The following ZNF704 variants were observed in gnomAD, a reference collection of about 807,000 sequenced individuals.
ZNF704 encodes zinc finger protein 704.
Under a neutral mutation model 44.7 loss-of-function variants are expected in ZNF704, and 10 were observed. That is an observed-to-expected ratio of 0.22 (90% CI 0.14 to 0.38). The LOEUF is 0.38. Ranked by LOEUF, ZNF704 falls within the 10% of genes least tolerant of loss-of-function variation. The probability of loss-of-function intolerance (pLI) is 1.00; values close to 1 mark genes in which losing one functional copy is unlikely to be tolerated. For missense variants in ZNF704, 390 were observed against 545.5 expected (o/e 0.71, Z 2.84); for synonymous variants, 211 against 207.6 (o/e 1.02, Z -0.14).
chr8:80,628,652 T>C lies in ZNF704; in HGVS notation c.*12714A>G, dbSNP rs1213269708. Reference sequence around the variant, plus strand: ...CCACAAAGTAAGTACAGGTCAACAATGATATCAGACTAGATTGGCAACACC... The same window carrying C: ...CCACAAAGTAAGTACAGGTCAACAACGATATCAGACTAGATTGGCAACACC... On this transcript the variant is annotated 3_prime_UTR_variant, in exon 9 of 9. Transcript: ENST00000327835. The C allele has an allele frequency of 6.6e-6, 1 of 152,180 alleles. No homozygotes were observed. Among genetic ancestry groups the C allele is most frequent in the Admixed American group, 6.5e-5 (1 of 15,286 alleles). 9.4% of individuals were successfully genotyped at this position (152,180 alleles called of 1,614,324 possible). A position where few individuals can be genotyped will look rare whatever the true frequency, so the allele number is the denominator to read the frequency against.
chr8:80,731,705 T>TG (rs1406448925), intron 2 of ZNF704, among the ~76,000 whole-genome samples: 1 of 152,126 alleles, frequency 6.6e-6, no homozygotes, highest in African/African-American at 2.4e-5. Context: ...AAGGCTGTGG[T>TG]GAGCTATAAT....
intron 4 of ZNF704, among the ~76,000 whole-genome samples, chr8:80,671,980 C>T (rs181755044): frequency 2.0e-5 from 3 of 152,236 alleles, no homozygotes; most frequent in Admixed American, 2.0e-4. Flanking sequence ...CCTACGAATC[C>T]TTCTCAGAAT....
At chr8:80,728,957 ATTC>A (rs1201507952) in intron 2 of ZNF704, among the ~76,000 whole-genome samples, 1 of 152,182 alleles carries the variant, frequency 6.6e-6, no homozygotes, top group East Asian at 1.9e-4. Context: ...GAGTTGATTC[ATTC>A]TTTTTTTCTT....
At chr8:80,764,136 C>T (rs1185044015) in intron 2 of ZNF704, among the ~76,000 whole-genome samples, 46 of 152,194 alleles carry the variant, frequency 3.0e-4, no homozygotes, top group Admixed American at 3.0e-3. Flanking sequence ...TCCAAAGTTG[C>T]TTCTACATTT....
chr8:80,787,003 C>G (rs1807626120), intron 2 of ZNF704, among the ~76,000 whole-genome samples: 1 of 152,178 alleles, frequency 6.6e-6, no homozygotes, highest in South Asian at 2.1e-4. Flanking sequence ...TACTAAAGCA[C>G]AGAAGAGGCT....
At chr8:80,762,433 G>A (rs1807147951) in intron 2 of ZNF704, among the ~76,000 whole-genome samples, 3 of 152,156 alleles carry the variant, frequency 2.0e-5, no homozygotes, top group Admixed American at 2.0e-4. Context: ...CATGGTGGCA[G>A]GAGACTGAAG....
intron 2 of ZNF704, among the ~76,000 whole-genome samples, chr8:80,805,861 G>A (rs1296044672): frequency 6.6e-6 from 1 of 152,112 alleles, no homozygotes; most frequent in Non-Finnish European, 1.5e-5. Flanking sequence ...TACGTCTGCA[G>A]ACAGCAATGC....
At chr8:80,807,531 A>ACC (rs150269718) in intron 2 of ZNF704, among the ~76,000 whole-genome samples, 16 of 150,718 alleles carry the variant, frequency 1.1e-4, no homozygotes, top group African/African-American at 3.9e-4. Flanking sequence ...TTTCTAATTG[A>ACC]CCCCCCCCAA....
intron 2 of ZNF704, among the ~76,000 whole-genome samples, chr8:80,763,514 C>T (rs1213943566): frequency 6.6e-6 from 1 of 152,178 alleles, no homozygotes; most frequent in East Asian, 1.9e-4. Context: ...AACTGGGACA[C>T]AGGGCACCAA....
intron 7 of ZNF704, among the ~76,000 whole-genome samples, chr8:80,652,692 A>T (rs978479474): frequency 7.2e-5 from 11 of 152,208 alleles, no homozygotes; most frequent in African/African-American, 2.4e-4. Context: ...TACCAACCAA[A>T]AAAAGTCCAG....
chr8:80,742,672 C>T (rs1405143034), intron 2 of ZNF704, among the ~76,000 whole-genome samples: 1 of 152,114 alleles, frequency 6.6e-6, no homozygotes, highest in Non-Finnish European at 1.5e-5. Flanking sequence ...AGATGCAGTC[C>T]ATGACTAAGA....
At chr8:80,736,622 TA>T (rs1014042233) in intron 2 of ZNF704, among the ~76,000 whole-genome samples, 1 of 151,818 alleles carries the variant, frequency 6.6e-6, no homozygotes, top group Non-Finnish European at 1.5e-5. Flanking sequence ...GAAGGGAACT[TA>T]AAAAAAATTG....
intron 2 of ZNF704, among the ~76,000 whole-genome samples, chr8:80,792,938 A>G (rs1327422666): frequency 6.6e-6 from 1 of 152,234 alleles, no homozygotes; most frequent in African/African-American, 2.4e-5. Context: ...CCTGACCCAC[A>G]GAAACTGATG....
At chr8:80,846,083 T>C (rs895661562) in intron 1 of ZNF704, among the ~76,000 whole-genome samples, 1 of 152,180 alleles carries the variant, frequency 6.6e-6, no homozygotes, top group Non-Finnish European at 1.5e-5. Flanking sequence ...CTATCTTGGA[T>C]TTTTATGAGG....
At chr8:80,687,182 C>T (rs1274971632) in intron 4 of ZNF704, 44 bp downstream of exon 4, 1 of 1,566,694 alleles carries the variant, frequency 6.4e-7, no homozygotes, top group Non-Finnish European at 8.7e-7. Context: ...CAGAAAGCAC[C>T]TTCAGGAAAC....
chr8:80,731,679 T>C (rs1264035433), intron 2 of ZNF704, among the ~76,000 whole-genome samples: 2 of 152,154 alleles, frequency 1.3e-5, no homozygotes, highest in Non-Finnish European at 2.9e-5. Context: ...GCAGGACTTC[T>C]TGATCCCAGG....
At chr8:80,850,642 ATCTC>A (rs1177342434) in intron 1 of ZNF704, among the ~76,000 whole-genome samples, 2 of 151,984 alleles carry the variant, frequency 1.3e-5, no homozygotes, top group Admixed American at 6.6e-5. Context: ...CCACTTTATA[ATCTC>A]TCTTTCAGTC....
rs551667201 is a variant in ZNF704 at position 80,826,798 on chromosome 8, A to G, written c.-21-5183T>C. Among the ~76,000 whole-genome samples, 540 of 152,334 alleles carry G rather than the reference A, an allele frequency of 3.5e-3. 2 individuals carry two copies. Among genetic ancestry groups the G allele is most frequent in the African/African-American group, 0.013 (524 of 41,570 alleles). ...CACAAATCAATAAATGTAATCCATC[A>G]TATAAACAGAACCAAAGAAAAAAAC... On this transcript the variant is annotated intron_variant, in intron 1 of 8. Coordinates refer to ENST00000327835, the MANE Select transcript of ZNF704 (RefSeq NM_001033723.3).
intron 1 of ZNF704, among the ~76,000 whole-genome samples, chr8:80,849,004 C>A (rs921272677): frequency 6.6e-6 from 1 of 152,048 alleles, no homozygotes; most frequent in Admixed American, 6.6e-5. Context: ...CACTACTGTT[C>A]CATCTCATAC....
Sources: allele counts gnomAD v4.1 joint callset (sites outside exome capture counted in the v4.1 genomes callset), GRCh38; gene constraint gnomAD v4.1.1; transcripts MANE v1.5; gene names NCBI Gene and HGNC (gene_info 2026-07-23, HGNC 2026-07-21).